KCNIP4: variants seen among roughly 807,000 people sequenced by gnomAD.
The protein encoded by KCNIP4 is potassium voltage-gated channel interacting protein 4, also known as Kv channel-interacting protein 4.
In KCNIP4, 12 loss-of-function variants were observed where a neutral mutation model predicts 34.0. That is an observed-to-expected ratio of 0.35 (90% CI 0.23 to 0.57). The LOEUF is 0.57. Ranked by LOEUF, KCNIP4 falls within the 20% of genes least tolerant of loss-of-function variation. KCNIP4 has a pLI of 0.83. For missense variants in KCNIP4, 238 were observed against 311.7 expected (o/e 0.76, Z 1.78); for synonymous variants, 124 against 102.2 (o/e 1.21, Z -1.29).
At chr4:20,985,736 C>T (rs77565357) in intron 1 of KCNIP4, among the ~76,000 whole-genome samples, 141 of 152,072 alleles carry the variant, frequency 9.3e-4, no homozygotes, top group African/African-American at 3.1e-3. Context: ...GATGTCTGCG[C>T]GGTACAGTGG....
chr4:21,892,178 G>A (rs1727134855), intron 1 of KCNIP4, among the ~76,000 whole-genome samples: 1 of 152,044 alleles, frequency 6.6e-6, no homozygotes, highest in Admixed American at 6.6e-5. Flanking sequence ...AATAATTGTT[G>A]TATATTCATG....
chr4:21,327,779 T>C (rs774039948), intron 1 of KCNIP4, among the ~76,000 whole-genome samples: 5 of 151,992 alleles, frequency 3.3e-5, no homozygotes, highest in African/African-American at 7.2e-5. Context: ...TATTTTCAAA[T>C]AGTCTGTCTT....
At chr4:21,278,101 C>T (rs544807095) in intron 1 of KCNIP4, among the ~76,000 whole-genome samples, 35 of 152,120 alleles carry the variant, frequency 2.3e-4, no homozygotes, top group Non-Finnish European at 4.4e-4. Context: ...AAAATTCCCA[C>T]TTTCTTTCTT....
At chr4:21,692,827 ATTTTTTTT>A (rs35231092) in intron 1 of KCNIP4, among the ~76,000 whole-genome samples, 59 of 87,258 alleles carry the variant, frequency 6.8e-4, no homozygotes, top group Middle Eastern at 6.8e-3. Flanking sequence ...AAATCCTGTC[ATTTTTTTT>A]TTTTTTTTTT....
chr4:21,688,634 T>C (rs943114697), intron 1 of KCNIP4, among the ~76,000 whole-genome samples: 7 of 152,144 alleles, frequency 4.6e-5, no homozygotes, highest in African/African-American at 1.7e-4. Flanking sequence ...AACAGGTGTT[T>C]AATTGATAAA....
chr4:21,505,975 C>T (rs921773690), intron 1 of KCNIP4, among the ~76,000 whole-genome samples: 1 of 151,988 alleles, frequency 6.6e-6, no homozygotes, highest in Non-Finnish European at 1.5e-5. Context: ...TGGTGGCAGG[C>T]ACCTGTAATC....
intron 1 of KCNIP4, among the ~76,000 whole-genome samples, chr4:21,599,376 TATA>T (rs1742913619): frequency 6.6e-6 from 1 of 152,044 alleles, no homozygotes; most frequent in Non-Finnish European, 1.5e-5. Context: ...TTTATAGTAC[TATA>T]ATTTCAGAAT....
chr4:21,342,155 G>C (rs952460063), intron 1 of KCNIP4, among the ~76,000 whole-genome samples: 1 of 152,060 alleles, frequency 6.6e-6, no homozygotes, highest in African/African-American at 2.4e-5. Context: ...GCACGGGGTA[G>C]GAAGAAAAGA....
intron 1 of KCNIP4, among the ~76,000 whole-genome samples, chr4:21,711,990 A>T (rs1713765246): frequency 6.6e-6 from 1 of 152,172 alleles, no homozygotes; most frequent in Admixed American, 6.6e-5. Flanking sequence ...AATGTGTTCC[A>T]TTCTTTGCCT....
intron 3 of KCNIP4, among the ~76,000 whole-genome samples, chr4:20,795,083 C>T (rs6843196): frequency 0.48 from 73,110 of 151,840 alleles, 17,924 homozygotes; most frequent in East Asian, 0.7. Context: ...TTGATTGTGG[C>T]AAGTTATGAT....
At chr4:21,308,827 G>A (rs1235443864) in intron 1 of KCNIP4, among the ~76,000 whole-genome samples, 6 of 151,990 alleles carry the variant, frequency 3.9e-5, no homozygotes, top group African/African-American at 1.2e-4. Flanking sequence ...GCATTCTCAC[G>A]TAACTACTGA....
chr4:21,496,553 T>C (rs573009903), intron 1 of KCNIP4, among the ~76,000 whole-genome samples: 6 of 152,348 alleles, frequency 3.9e-5, no homozygotes, highest in Non-Finnish European at 7.3e-5. Context: ...CTAGTCTCCC[T>C]GCCTCCAAGC....
chr4:21,833,298 T>C (rs890180672), intron 1 of KCNIP4, among the ~76,000 whole-genome samples: 56 of 152,232 alleles, frequency 3.7e-4, no homozygotes, highest in African/African-American at 1.3e-3. Context: ...TGGTGTGAGA[T>C]GGTATCTCAT....
At chr4:21,892,268 C>T (rs753153145) in intron 1 of KCNIP4, among the ~76,000 whole-genome samples, 2 of 151,320 alleles carry the variant, frequency 1.3e-5, no homozygotes, top group Non-Finnish European at 2.9e-5. Context: ...TCATGATCAA[C>T]AAACAAGGTC....
chr4:20,735,311 C>T (rs545984900), intron 5 of KCNIP4, among the ~76,000 whole-genome samples: 3 of 152,188 alleles, frequency 2.0e-5, no homozygotes, highest in East Asian at 1.9e-4. Context: ...ATCCCTTTGC[C>T]TCAATTTTCG....
At chr4:21,225,381 C>A (rs1450411291) in intron 1 of KCNIP4, among the ~76,000 whole-genome samples, 1 of 152,104 alleles carries the variant, frequency 6.6e-6, no homozygotes, top group Non-Finnish European at 1.5e-5. Context: ...TGAATTTGGG[C>A]TCCACAACTC....
intron 1 of KCNIP4, among the ~76,000 whole-genome samples, chr4:21,348,439 G>A (rs780026862): frequency 1.6e-4 from 24 of 152,156 alleles, no homozygotes; most frequent in Non-Finnish European, 2.6e-4. Flanking sequence ...ATTCTGGCCT[G>A]TGCTCCTACA....
chr4:21,438,919 T>C (rs1027612763), intron 1 of KCNIP4, among the ~76,000 whole-genome samples: 94 of 152,072 alleles, frequency 6.2e-4, no homozygotes, highest in African/African-American at 2.1e-3. Flanking sequence ...TCCCAGCACT[T>C]TGGGAGGCCG....
chr4:21,683,860 G>A (rs1190402118), intron 1 of KCNIP4, among the ~76,000 whole-genome samples: 1 of 152,080 alleles, frequency 6.6e-6, no homozygotes, highest in Non-Finnish European at 1.5e-5. Context: ...TACCTGTGGT[G>A]CATACACATT....
Sources: allele counts gnomAD v4.1 joint callset (sites outside exome capture counted in the v4.1 genomes callset), GRCh38; gene constraint gnomAD v4.1.1; transcripts MANE v1.5; gene names NCBI Gene and HGNC (gene_info 2026-07-23, HGNC 2026-07-21).